Variants in PXK observed in about 807,000 individuals in gnomAD.
PXK encodes the protein PX domain-containing protein kinase-like protein.
Under a neutral mutation model 84.7 loss-of-function variants are expected in PXK, and 35 were observed. That is an observed-to-expected ratio of 0.41 (90% confidence interval 0.32 to 0.55). PXK has a LOEUF of 0.55. Ranked by LOEUF, PXK falls within the 20% of genes least tolerant of loss-of-function variation. PXK has a pLI of 0.21. For synonymous variants in PXK, 253 were observed against 260.8 expected, an observed-to-expected ratio of 0.97 and a Z score of 0.29; for missense variants, 634 against 699.7, an observed-to-expected ratio of 0.91 and a Z score of 1.06.
Position 58,397,218 on chromosome 3 carries a change from T to C in PXK, c.984+18T>C, listed in dbSNP as rs1277383446. 6.2e-7 allele frequency: 1 copy of C among 1,611,682 alleles called. No individual in the cohort carries two copies. Among genetic ancestry groups the C allele is most frequent in the East Asian group, 2.2e-5 (1 of 44,874 alleles). On this transcript the variant is annotated intron_variant, in intron 10 of 17. Transcript: ENST00000356151. The surrounding 1 kb of genome is among the most constrained non-coding windows in gnomAD (Gnocchi z 4.7). ...AAATCAATGTAAGTTGCTAAAGTAA[T>C]GAAATAGCAGGTTCATTTTTAGGTG...
chr3:58,336,069 A>ATTTTT (rs1382137800), intron 1 of PXK, among the ~76,000 whole-genome samples: 1 of 56,634 alleles, frequency 1.8e-5, no homozygotes, highest in African/African-American at 1.2e-4. Context: ...ATATATATAT[A>ATTTTT]TATTTTTTTT....
chr3:58,365,454 C>T (rs1347443936), intron 1 of PXK, among the ~76,000 whole-genome samples: 1 of 152,176 alleles, frequency 6.6e-6, no homozygotes. Flanking sequence ...GTGTATTCTG[C>T]TGTTACTGGA....
intron 12 of PXK, 65 bp from the exon 13 acceptor site, chr3:58,403,797 T>C: frequency 9.0e-7 from 1 of 1,113,544 alleles, no homozygotes; most frequent in East Asian, 2.5e-5. Flanking sequence ...CTTAATCTGC[T>C]TTCATCCTAG....
In PXK at chr3:58,364,726, A is replaced by G. The variant is rs1448409223; in HGVS notation, c.103-1148A>G. On this transcript the variant is annotated intron_variant, in intron 1 of 17. Coordinates refer to ENST00000356151, the MANE Select transcript of PXK (RefSeq NM_017771.5). The surrounding 1 kb of genome is among the most constrained non-coding windows in gnomAD (Gnocchi z 4.3). ...GACTCGGTCTCAAAAAAAAAAAATC[A>G]TTATGAAGATCAAATTATGTATTTC... 2.0e-5 allele frequency among the ~76,000 whole-genome samples: 3 copies of G among 151,984 alleles called. No individual in the cohort carries two copies. The highest frequency in any genetic ancestry group is 6.6e-5 in the Admixed American group (1 of 15,256).
intron 1 of PXK, among the ~76,000 whole-genome samples, chr3:58,339,077 C>T (rs975463121): frequency 6.6e-6 from 1 of 152,130 alleles, no homozygotes; most frequent in Non-Finnish European, 1.5e-5. Context: ...CCCACTTGTC[C>T]TGGAAATCTG....
chr3:58,371,117 T>C (rs551450404), intron 3 of PXK, among the ~76,000 whole-genome samples: 24 of 152,236 alleles, frequency 1.6e-4, no homozygotes, highest in Admixed American at 6.5e-4. Context: ...GGGGCCTGAG[T>C]ATCTGCAGAT....
At chr3:58,374,708 T>C (rs1292391857) in intron 3 of PXK, among the ~76,000 whole-genome samples, 1 of 152,206 alleles carries the variant, frequency 6.6e-6, no homozygotes, top group Non-Finnish European at 1.5e-5. Flanking sequence ...AGTATTTTTT[T>C]CCCTCCCTTC....
In PXK at chr3:58,379,645, C is replaced by G. The variant is rs2098479338; in HGVS notation, c.202-2869C>G. 6.6e-6 allele frequency: 1 copy of G among 152,006 alleles called. No homozygotes were observed. Among genetic ancestry groups the G allele is most frequent in the African/African-American group, 2.4e-5 (1 of 41,356 alleles). The allele number at this position is 152,006 out of a possible 1,614,324, so 9.4% of individuals were successfully genotyped here. On this transcript the variant is annotated intron_variant, in intron 3 of 17. Transcript: ENST00000356151. The surrounding 1 kb of genome is among the most constrained non-coding windows in gnomAD (Gnocchi z 5.1). ...ACTCTTGAGGAAGATTATCTTTTGT[C>G]TTCTCAGAGAGATAAGAAATGGTAT...
intron 4 of PXK, among the ~76,000 whole-genome samples, chr3:58,384,265 T>G (rs139584039): frequency 2.0e-5 from 3 of 152,308 alleles, no homozygotes; most frequent in East Asian, 1.9e-4. Context: ...CAGGATCTGA[T>G]TTTAACAAGG....
chr3:58,381,766 G>C (rs62258080), intron 3 of PXK, among the ~76,000 whole-genome samples: 5 of 151,730 alleles, frequency 3.3e-5, no homozygotes, highest in Non-Finnish European at 7.4e-5. Context: ...TCCATAATGG[G>C]AAATCTACAG....
In PXK at chr3:58,401,621, G is replaced by T. The variant is rs1025442716; in HGVS notation, c.1182-2241G>T. ...AGCCTAGATGACAGAGTAAGACCCT[G>T]TCTCAAAAATAAAACAAAGTGAGGG... On this transcript the variant is annotated intron_variant, in intron 12 of 17. Transcript: ENST00000356151. The surrounding 1 kb of genome is among the most constrained non-coding windows in gnomAD (Gnocchi z 4.4). 6.7e-6 allele frequency among the ~76,000 whole-genome samples: 1 copy of T among 150,134 alleles called. No homozygotes were observed. Among genetic ancestry groups the T allele is most frequent in the African/African-American group, 2.5e-5 (1 of 40,642 alleles).
intron 2 of PXK, among the ~76,000 whole-genome samples, chr3:58,369,205 A>G (rs1446667146): frequency 1.3e-5 from 2 of 152,242 alleles, no homozygotes; most frequent in Non-Finnish European, 2.9e-5. Context: ...TGAATTTGAC[A>G]GGTATTAACC....
At position 58,397,211 on chromosome 3, in the gene PXK, A is replaced by G. The variant is rs753471746; in HGVS notation, c.984+11A>G. 33 of 1,612,914 alleles carry G rather than the reference A, an allele frequency of 2.0e-5. No homozygotes were observed. The highest frequency in any genetic ancestry group is 2.8e-5 in the Non-Finnish European group (33 of 1,178,984). On this transcript the variant is annotated intron_variant, in intron 10 of 17. Coordinates refer to ENST00000356151, the MANE Select transcript of PXK (RefSeq NM_017771.5). This position sits in a 1 kb window ranked among gnomAD's most constrained non-coding sequence, Gnocchi z 4.7. ...TTCAGGAAAATCAATGTAAGTTGCT[A>G]AAGTAATGAAATAGCAGGTTCATTT...
intron 17 of PXK, chr3:58,420,641 G>A (rs1266890289): frequency 6.5e-7 from 1 of 1,533,158 alleles, no homozygotes; most frequent in Non-Finnish European, 8.7e-7. Flanking sequence ...GACCCAAAGT[G>A]TCTCGATTGC....
At chr3:58,395,878 A>C (rs553264512) in intron 9 of PXK, 119 bp downstream of exon 9, 3 of 732,732 alleles carry the variant, frequency 4.1e-6, no homozygotes, top group Non-Finnish European at 4.3e-6. Flanking sequence ...TTATAAACTG[A>C]TTGCATTGTC....
At chr3:58,423,951 C>T (rs1019433647) in intron 17 of PXK, among the ~76,000 whole-genome samples, 5 of 152,168 alleles carry the variant, frequency 3.3e-5, no homozygotes, top group African/African-American at 4.8e-5. Flanking sequence ...CGGTACAGCA[C>T]GACATTCTAG....
In PXK at chr3:58,397,682, G is replaced by A; in HGVS notation, c.1062G>A (p.Val354=). ...CTTATGGACGACCGCCAGACTCGGTGCCTGTGGACTCCTTCCCTCCTGCCC... is the reference window on the plus strand; with the variant it reads ...CTTATGGACGACCGCCAGACTCGGTACCTGTGGACTCCTTCCCTCCTGCCC... ...EMTYGRPPDS[V]PVDSFPPAPS... The change falls in exon 11 of 18, where the codon GTG becomes GTA. Residue 354 remains valine (V), a synonymous_variant. Transcript: ENST00000356151. The surrounding 1 kb of genome is among the most constrained non-coding windows in gnomAD (Gnocchi z 4.7). The A allele has an allele frequency of 6.2e-7, 1 of 1,614,082 alleles. No individual in the cohort carries two copies. The highest frequency in any genetic ancestry group is 1.1e-5 in the South Asian group (1 of 91,076).
rs1207272485 is a variant in PXK, at chr3:58,397,711, C to T, written c.1091C>T (p.Ser364Phe). 2 of 1,613,330 alleles carry T rather than the reference C, an allele frequency of 1.2e-6. No homozygotes were observed. Among genetic ancestry groups the T allele is most frequent in the Non-Finnish European group, 1.7e-6 (2 of 1,179,352 alleles). The change falls in exon 11 of 18, where the codon TCC (serine) becomes TTC (phenylalanine). Residue 364 changes from serine to phenylalanine, a missense_variant. By Grantham distance (155) the Ser-to-Phe change is radical. Transcript: ENST00000356151. This position sits in a 1 kb window ranked among gnomAD's most constrained non-coding sequence, Gnocchi z 4.7. ...GTGGACTCCTTCCCTCCTGCCCCGT[C>T]CATGGCTGTGGGTCAGTATGGGGTT... ...VPVDSFPPAP[S>F]MAVVAVLEST...
At chr3:58,392,389 C>T (rs554469515) in intron 7 of PXK, among the ~76,000 whole-genome samples, 1 of 152,326 alleles carries the variant, frequency 6.6e-6, no homozygotes, top group South Asian at 2.1e-4. Flanking sequence ...ATGTCTTCAG[C>T]AAAGACTAAT....
Sources: gnomAD v4.1 joint callset for allele counts (sites outside exome capture counted in the v4.1 genomes callset) on GRCh38, gnomAD v4.1.1 for gene constraint, Gnocchi (gnomAD v3.1) non-coding constraint, MANE v1.5 for transcripts, NCBI Gene and HGNC (gene_info 2026-07-23, HGNC 2026-07-21) for gene names.